Variants in FRMD5 observed in about 807,000 individuals in gnomAD.
FRMD5 encodes FERM domain-containing protein 5.
A neutral mutation model predicts 69.0 loss-of-function variants in FRMD5; 20 were observed. The ratio of observed to expected loss-of-function variants is 0.29; its 90% CI spans 0.20 to 0.42. The LOEUF is 0.42. FRMD5 is among the 10% of genes least tolerant of loss of function. FRMD5 has a pLI of 1.00. For synonymous variants in FRMD5, 271 were observed against 260.1 expected, an observed-to-expected ratio of 1.04 and a Z score of -0.40; for missense variants, 595 against 708.6, an observed-to-expected ratio of 0.84 and a Z score of 1.82.
Position 44,034,260 on chromosome 15 carries a change from G to A in FRMD5, c.103-109951C>T, listed in dbSNP as rs147505462. Among the ~76,000 whole-genome samples, 740 of 152,270 alleles carry A rather than the reference G, an allele frequency of 4.9e-3. 12 individuals carry two copies. The highest frequency in any genetic ancestry group is 0.017 in the African/African-American group (710 of 41,552). ...CAGTGATACAATTCACCATAACAGG[G>A]TCTTAAAAGTTTACTAATCACACAG... On this transcript the variant is annotated intron_variant, in intron 1 of 13. Coordinates refer to ENST00000417257, the MANE Select transcript of FRMD5 (RefSeq NM_032892.5).
intron 1 of FRMD5, among the ~76,000 whole-genome samples, chr15:44,051,036 T>C (rs531222441): frequency 1.3e-5 from 2 of 150,772 alleles, no homozygotes; most frequent in African/African-American, 2.4e-5. Flanking sequence ...ACAAAGCAAA[T>C]AATTAGATCC....
At chr15:44,095,713 T>C (rs566292068) in intron 1 of FRMD5, among the ~76,000 whole-genome samples, 1 of 152,278 alleles carries the variant, frequency 6.6e-6, no homozygotes, top group South Asian at 2.1e-4. Flanking sequence ...CAGAGTTCAG[T>C]TACTTTATTC....
chr15:44,121,100 C>T (rs1042159572), intron 1 of FRMD5, among the ~76,000 whole-genome samples: 10 of 151,758 alleles, frequency 6.6e-5, no homozygotes, highest in African/African-American at 2.4e-4. Context: ...AAAGAAGCTG[C>T]AAAGAATTCA....
rs16959362 is a variant in FRMD5, at chr15:44,085,249, T to C, written c.102+109704A>G. On this transcript the variant is annotated intron_variant, in intron 1 of 13. Transcript: ENST00000417257. Reference sequence around the variant, plus strand: ...CTAGGAATATAAAGATACACTGAACTCACTTCTAGCCCTAACTCCTATTTG... The same window carrying C: ...CTAGGAATATAAAGATACACTGAACCCACTTCTAGCCCTAACTCCTATTTG... Among the ~76,000 whole-genome samples the C allele has an allele frequency of 7.4e-3, 1,127 of 152,182 alleles. 20 individuals are homozygous for C. The highest frequency in any genetic ancestry group is 0.026 in the African/African-American group (1,080 of 41,520).
chr15:43,990,274 A>C, intron 1 of FRMD5: 1 of 328,804 alleles, frequency 3.0e-6, no homozygotes, highest in South Asian at 2.9e-5. Flanking sequence ...GCAGAAACAT[A>C]AGTTTTATAT....
intron 1 of FRMD5, among the ~76,000 whole-genome samples, chr15:43,925,204 C>T (rs2140452602): frequency 6.6e-6 from 1 of 152,118 alleles, no homozygotes; most frequent in Middle Eastern, 3.4e-3. Flanking sequence ...GGGGTTTCAC[C>T]ATGTTGGTCA....
chr15:44,198,710 A>G (rs945051521), upstream of FRMD5, among the ~76,000 whole-genome samples: 1 of 152,238 alleles, frequency 6.6e-6, no homozygotes, highest in African/African-American at 2.4e-5. Flanking sequence ...AATAAAATAA[A>G]AAGTAAAACC....
At chr15:43,891,048 A>G (rs2088782037) in intron 8 of FRMD5, among the ~76,000 whole-genome samples, 1 of 152,198 alleles carries the variant, frequency 6.6e-6, no homozygotes. Context: ...CTGCTGGACC[A>G]AGGGAAGCCA....
intron 1 of FRMD5, among the ~76,000 whole-genome samples, chr15:43,998,359 A>G (rs139529568): frequency 6.6e-6 from 1 of 152,224 alleles, no homozygotes; most frequent in Non-Finnish European, 1.5e-5. Flanking sequence ...GGACACAGCA[A>G]AAGTATTAAA....
At chr15:44,111,432 G>A (rs954776256) in intron 1 of FRMD5, among the ~76,000 whole-genome samples, 2 of 152,170 alleles carry the variant, frequency 1.3e-5, no homozygotes, top group Non-Finnish European at 2.9e-5. Flanking sequence ...GCAAGGGCCC[G>A]ATCAATTTAT....
At chr15:43,996,070 C>T (rs1268687617) in intron 1 of FRMD5, among the ~76,000 whole-genome samples, 1 of 152,154 alleles carries the variant, frequency 6.6e-6, no homozygotes, top group Non-Finnish European at 1.5e-5. Flanking sequence ...TAGGCTTCTG[C>T]CGTGGCACTG....
chr15:43,938,987 G>A (rs2089813196), intron 1 of FRMD5, among the ~76,000 whole-genome samples: 2 of 151,818 alleles, frequency 1.3e-5, no homozygotes, highest in African/African-American at 2.4e-5. Context: ...TCAGCCTCCC[G>A]AGTAGCTGGG....
At chr15:44,196,786 C>G (rs1224472935), upstream of FRMD5, among the ~76,000 whole-genome samples, 1 of 149,500 alleles carries the variant, frequency 6.7e-6, no homozygotes, top group African/African-American at 2.5e-5. Flanking sequence ...TCCTCCCCCT[C>G]TCCCTCCCCC....
intron 1 of FRMD5, among the ~76,000 whole-genome samples, chr15:44,087,907 A>G (rs1216338518): frequency 6.6e-6 from 1 of 152,192 alleles, no homozygotes; most frequent in Non-Finnish European, 1.5e-5. Context: ...CAATAGTTAC[A>G]CTGAGTTGAA....
chr15:43,977,825 G>C (rs1321506114), intron 1 of FRMD5, among the ~76,000 whole-genome samples: 1 of 152,074 alleles, frequency 6.6e-6, no homozygotes, highest in Non-Finnish European at 1.5e-5. Flanking sequence ...AGTCCCCTGC[G>C]ATTTTGGAGT....
At chr15:44,177,675 T>C (rs1454633286) in intron 1 of FRMD5, among the ~76,000 whole-genome samples, 1 of 152,204 alleles carries the variant, frequency 6.6e-6, no homozygotes, top group Non-Finnish European at 1.5e-5. Flanking sequence ...TACTAAAAAC[T>C]GTTGAAATGT....
chr15:44,005,984 G>C (rs1046380600), intron 1 of FRMD5, among the ~76,000 whole-genome samples: 6 of 152,184 alleles, frequency 3.9e-5, no homozygotes, highest in Non-Finnish European at 8.8e-5. Context: ...TATGAAGGTG[G>C]CTACAACAGA....
At chr15:43,879,045 C>G (rs995997209) in intron 13 of FRMD5, among the ~76,000 whole-genome samples, 13 of 145,892 alleles carry the variant, frequency 8.9e-5, no homozygotes, top group Admixed American at 3.6e-4. Flanking sequence ...TCAAGTGATT[C>G]TCCCACCTCA....
chr15:43,942,420 T>A (rs1196247811), intron 1 of FRMD5, among the ~76,000 whole-genome samples: 1 of 152,232 alleles, frequency 6.6e-6, no homozygotes, highest in African/African-American at 2.4e-5. Context: ...TTTTAACAGC[T>A]TGCTTTTCAG....
Sources: gnomAD v4.1 joint callset for allele counts (sites outside exome capture counted in the v4.1 genomes callset) on GRCh38, gnomAD v4.1.1 for gene constraint, MANE v1.5 for transcripts, NCBI Gene and HGNC (gene_info 2026-07-23, HGNC 2026-07-21) for gene names.